CFTR: variants seen among roughly 807,000 people sequenced by gnomAD.
CFTR encodes the protein CF transmembrane conductance regulator.
In CFTR, 181 loss-of-function variants were observed where a neutral mutation model predicts 171.6. The observed-to-expected ratio is 1.05, with a 90% CI of 0.93 to 1.19. CFTR has a LOEUF of 1.19. Among genes scored for constraint, CFTR ranks in the 50% most tolerant of loss-of-function variants. The probability of loss-of-function intolerance (pLI) is 0.00; values close to 1 mark genes in which losing one functional copy is unlikely to be tolerated. For missense variants in CFTR, 1,968 were observed against 1,734.7 expected (o/e 1.13, Z -2.39); for synonymous variants, 583 against 608.0 (o/e 0.96, Z 0.60).
chr7:117,554,991 A>G (rs1257972084), intron 10 of CFTR, among the ~76,000 whole-genome samples: 1 of 152,158 alleles, frequency 6.6e-6, no homozygotes, highest in East Asian at 1.9e-4. Context: ...TGCTAATACA[A>G]TTGACCCTTA....
chr7:117,666,921 A>C lies in CFTR; in HGVS notation c.4256A>C (p.Asn1419Thr), dbSNP rs1461912555. The C allele has an allele frequency of 6.2e-7, 1 of 1,613,902 alleles. No individual in the cohort carries two copies. Among genetic ancestry groups the C allele is most frequent in the East Asian group, 2.2e-5 (1 of 44,868 alleles). Residue 1419 changes from asparagine (N) to threonine (T), a missense_variant, in exon 27 of 27, where the codon AAC becomes ACC. Coordinates refer to ENST00000003084, the MANE Select transcript of CFTR (RefSeq NM_000492.4). ...CCATTTCCCTAGGTCATAGAAGAGA[A>C]CAAAGTGCGGCAGTACGATTCCATC... ...ECQQFLVIEE[N>T]KVRQYDSIQK... is the part of the protein sequence containing the mutation.
At chr7:117,529,936 C>T (rs1439705426) in intron 3 of CFTR, among the ~76,000 whole-genome samples, 5 of 152,062 alleles carry the variant, frequency 3.3e-5, no homozygotes, top group Non-Finnish European at 7.4e-5. Flanking sequence ...CGTTATAAAA[C>T]AAAATGAGGA....
At position 117,559,466 on chromosome 7, in the gene CFTR, T is replaced by A; in HGVS notation, c.1395T>A (p.Thr465=). 1.9e-6 allele frequency: 3 copies of A among 1,598,498 alleles called. No individual in the cohort carries two copies. The highest frequency in any genetic ancestry group is 2.6e-6 in the Non-Finnish European group (3 of 1,166,440). ...AVAGSTGAGK[T]SLLMVIMGEL... ...ATAATGATGGGTTTTATTTCCAGACTTCACTTCTAATGGTGATTATGGGAG... is the reference window on the plus strand; with the variant it reads ...ATAATGATGGGTTTTATTTCCAGACATCACTTCTAATGGTGATTATGGGAG... The change falls in exon 11 of 27, where the codon ACT becomes ACA. Residue 465 remains threonine (T), a splice_region_variant and synonymous_variant. Coordinates refer to ENST00000003084, the MANE Select transcript of CFTR (RefSeq NM_000492.4).
At chr7:117,525,878 T>G (rs1310171923) in intron 3 of CFTR, among the ~76,000 whole-genome samples, 1 of 150,660 alleles carries the variant, frequency 6.6e-6, no homozygotes, top group Admixed American at 6.6e-5. Flanking sequence ...TTTAGTCCAT[T>G]TATATTTAAA....
At chr7:117,514,788 G>A (rs150566692) in intron 3 of CFTR, among the ~76,000 whole-genome samples, 1,582 of 152,216 alleles carry the variant, frequency 0.01, 13 homozygotes, top group Non-Finnish European at 0.015. Context: ...GTGTAAAAGC[G>A]TTCCTATTTC....
chr7:117,589,680 T>G (rs539555661), intron 12 of CFTR, among the ~76,000 whole-genome samples: 7 of 152,032 alleles, frequency 4.6e-5, no homozygotes, highest in Non-Finnish European at 7.4e-5. Flanking sequence ...CTTTCCTTAT[T>G]TGGAACTTTT....
chr7:117,596,668 A>T (rs1792133335), intron 15 of CFTR, among the ~76,000 whole-genome samples: 1 of 152,240 alleles, frequency 6.6e-6, no homozygotes, highest in South Asian at 2.1e-4. Flanking sequence ...GTTTGTAAAC[A>T]CACCAATCAG....
chr7:117,645,480 A>G (rs35131082), intron 23 of CFTR, among the ~76,000 whole-genome samples: 1,630 of 152,320 alleles, frequency 0.011, 29 homozygotes, highest in African/African-American at 0.037. Context: ...GGCATGGGCC[A>G]GTTAGGGAGT....
At chr7:117,651,330 A>G (rs1793086939) in intron 23 of CFTR, among the ~76,000 whole-genome samples, 1 of 152,228 alleles carries the variant, frequency 6.6e-6, no homozygotes, top group South Asian at 2.1e-4. Flanking sequence ...GAAAAATTCT[A>G]TTGGCAAGGC....
chr7:117,592,137 G>T lies in CFTR; in HGVS notation c.1970G>T (p.Arg657Ile). The change falls in exon 14 of 27, where the codon AGA becomes ATA. Residue 657 changes from arginine to isoleucine, a missense_variant. Transcript: ENST00000003084. ...CDSFDQFSAE[R>I]RNSILTETLH... ...TCTTTCGACCAATTTAGTGCAGAAA[G>T]AAGAAATTCAATCCTAACTGAGACC... is the stretch of plus-strand genomic sequence containing the variant. 6.2e-7 allele frequency: 1 copy of T among 1,614,028 alleles called. No individual in the cohort carries two copies. The highest frequency in any genetic ancestry group is 1.3e-5 in the African/African-American group (1 of 75,042).
intron 3 of CFTR, among the ~76,000 whole-genome samples, chr7:117,524,414 C>T (rs1247339008): frequency 1.4e-5 from 2 of 147,702 alleles, no homozygotes; most frequent in African/African-American, 2.5e-5. Flanking sequence ...AAAACCAAAT[C>T]AAAGTAAATT....
intron 6 of CFTR, 98 bp from the exon 7 acceptor site, chr7:117,536,450 A>G (rs748262001): frequency 2.5e-5 from 31 of 1,220,962 alleles, no homozygotes; most frequent in Non-Finnish European, 3.5e-5. Context: ...TCTGTTGAAT[A>G]AAAGAAATAT....
At chr7:117,552,367 G>T (rs913634483) in intron 10 of CFTR, among the ~76,000 whole-genome samples, 13 of 152,058 alleles carry the variant, frequency 8.5e-5, no homozygotes, top group South Asian at 6.2e-4. Flanking sequence ...GCTGTACTAT[G>T]TGAAAATATC....
chr7:117,503,387 G>A (rs576295034), intron 1 of CFTR, among the ~76,000 whole-genome samples: 35 of 152,208 alleles, frequency 2.3e-4, no homozygotes, highest in African/African-American at 8.4e-4. Flanking sequence ...AAGCTCTCGT[G>A]CTCTCGAATT....
At chr7:117,483,938 A>T (rs547289668) in intron 1 of CFTR, among the ~76,000 whole-genome samples, 67 of 152,320 alleles carry the variant, frequency 4.4e-4, no homozygotes, top group Non-Finnish European at 9.0e-4. Context: ...TATAATTAAA[A>T]TTATACTATG....
At chr7:117,482,659 A>G (rs1472595048) in intron 1 of CFTR, among the ~76,000 whole-genome samples, 1 of 152,202 alleles carries the variant, frequency 6.6e-6, no homozygotes, top group African/African-American at 2.4e-5. Context: ...TTCATATACA[A>G]GTGGGATTGA....
At chr7:117,488,767 G>A (rs1798112487) in intron 1 of CFTR, among the ~76,000 whole-genome samples, 2 of 152,046 alleles carry the variant, frequency 1.3e-5, no homozygotes, top group Non-Finnish European at 2.9e-5. Context: ...AGGCTACAGT[G>A]ATTTTGTATA....
At chr7:117,659,927 TC>T (rs371340113) in intron 24 of CFTR, among the ~76,000 whole-genome samples, 87 of 152,338 alleles carry the variant, frequency 5.7e-4, no homozygotes, top group African/African-American at 1.9e-3. Context: ...TGATTTTTTT[TC>T]ATGTTTCTCT....
rs761370893 is a variant in CFTR at position 117,530,972 on chromosome 7, A to C, written c.347A>C (p.Glu116Ala). The change falls in exon 4 of 27, where the codon GAA becomes GCA. Residue 116 changes from glutamate (E) to alanine (A), a missense_variant. By Grantham distance (107) the Glu-to-Ala change is moderately radical (BLOSUM62 -1). Coordinates refer to ENST00000003084, the MANE Select transcript of CFTR (RefSeq NM_000492.4). ...IASYDPDNKE[E>A]RSIAIYLGIG... Reference sequence around the variant, plus strand: ...TCCTATGACCCGGATAACAAGGAGGAACGCTCTATCGCGATTTATCTAGGC... The same window carrying C: ...TCCTATGACCCGGATAACAAGGAGGCACGCTCTATCGCGATTTATCTAGGC... 6.2e-7 allele frequency: 1 copy of C among 1,613,850 alleles called. No homozygotes were observed. The highest frequency in any genetic ancestry group is 1.1e-5 in the South Asian group (1 of 91,072).
Sources: allele counts gnomAD v4.1 joint callset (sites outside exome capture counted in the v4.1 genomes callset), GRCh38; gene constraint gnomAD v4.1.1; transcripts MANE v1.5; gene names NCBI Gene and HGNC (gene_info 2026-07-23, HGNC 2026-07-21).